The following NACA variants were observed in gnomAD, a reference collection of about 807,000 sequenced individuals.
NACA encodes nascent polypeptide associated complex subunit alpha.
NACA carries 42 observed loss-of-function variants against 86.4 expected under a neutral mutation model. The ratio of observed to expected loss-of-function variants is 0.49; its 90% CI spans 0.38 to 0.63. NACA has a LOEUF of 0.63. NACA is among the 20% of genes least tolerant of loss of function. NACA has a pLI of 0.00. For missense variants in NACA, 2,157 were observed against 2,483.6 expected (o/e 0.87, Z 2.80); for synonymous variants, 898 against 973.7 (o/e 0.92, Z 1.45).
At chr12:56,724,345 G>T in intron 2 of NACA, 107 bp downstream of exon 2, 1 of 1,101,932 alleles carries the variant, frequency 9.1e-7, no homozygotes, top group Non-Finnish European at 1.3e-6. Context: ...CCTTGGTAAA[G>T]CTGCAACCCC....
chr12:56,717,164 G>C lies in NACA; in HGVS notation c.4366C>G (p.Pro1456Ala), dbSNP rs1953396461. The change falls in exon 3 of 9, where the codon CCA becomes GCA. Residue 1456 changes from proline (P) to alanine (A), a missense_variant. Physicochemically the swap from Pro to Ala is conservative, Grantham distance 27 (BLOSUM62 -1). Coordinates refer to ENST00000454682, the MANE Select transcript of NACA (RefSeq NM_001365896.1). The stretch of plus-strand genomic sequence containing the variant: ...TCCCCTTTGGAGGATGGGGTAGCTG[G>C]GCCTCCTTTGGGGGCTGAAGTTGCT... ...APATSAPKGG[P>A]ATPSSKGDPT... 1.5e-6 allele frequency: 2 copies of C among 1,298,464 alleles called. No homozygotes were observed. The highest frequency in any genetic ancestry group is 1.0e-6 in the Non-Finnish European group (1 of 1,002,586). The allele number at this position is 1,298,464 out of a possible 1,614,324, so 80.4% of individuals were successfully genotyped here.
chr12:56,712,590 C>CA (rs766721815), intron 8 of NACA, 38 bp from the exon 9 acceptor site: 3 of 1,611,798 alleles, frequency 1.9e-6, no homozygotes, highest in Non-Finnish European at 2.5e-6. Context: ...TTCTTATAGG[C>CA]AAATCAGGAG....
chr12:56,715,781 G>C (rs901184016), intron 3 of NACA, 90 bp downstream of exon 3: 3 of 1,128,974 alleles, frequency 2.7e-6, no homozygotes, highest in Non-Finnish European at 3.6e-6. Flanking sequence ...TGGAGAAAGC[G>C]GCGCATCACA....
At chr12:56,713,351 C>G (rs1953267100) in intron 6 of NACA, 161 bp from the exon 7 acceptor site, 1 of 1,212,186 alleles carries the variant, frequency 8.2e-7, no homozygotes. Flanking sequence ...AGGTTTAGAG[C>G]AGTGGTTCTC....
intron 2 of NACA, among the ~76,000 whole-genome samples, chr12:56,721,847 T>C (rs1416695128): frequency 6.6e-6 from 1 of 152,226 alleles, no homozygotes; most frequent in African/African-American, 2.4e-5. Context: ...TGAAATGGAC[T>C]GTATTCCCAA....
Position 56,720,137 on chromosome 12 carries a change from G to A in NACA, c.1393C>T (p.Pro465Ser), listed in dbSNP as rs768516992. ...TTFEVATCVS[P>S]PMSSGPISNI... ...CTTATGGGACCTGATGACATTGGAG[G>A]AGAAACACAAGTAGCTACCTCAAAG... Residue 465 changes from proline (P) to serine (S), a missense_variant, in exon 3 of 9, where the codon CCT becomes TCT. Transcript: ENST00000454682. 5.6e-6 allele frequency: 9 copies of A among 1,613,838 alleles called. No homozygotes were observed. The highest frequency in any genetic ancestry group is 7.6e-6 in the Non-Finnish European group (9 of 1,179,902).
Position 56,720,499 on chromosome 12 carries a change from G to T in NACA, c.1031C>A (p.Ser344Tyr), listed in dbSNP as rs1211114130. ...AGAAGGATAAGAGGCCCCTGTGGAA[G>T]AATGATCTACAGAAATGGTCTTCAC... ...PTVKTISVDH[S>Y]STGASYPSQR... Residue 344 changes from serine to tyrosine, a missense_variant, in exon 3 of 9, where the codon TCT becomes TAT. By Grantham distance (144) the Ser-to-Tyr change is moderately radical. Around this residue, in one of 8 missense-constraint regions of NACA, gnomAD observed 947 missense variants for 917.9 expected, o/e 1.03. Transcript: ENST00000454682. The T allele has an allele frequency of 6.2e-7, 1 of 1,613,820 alleles. No homozygotes were observed. Among genetic ancestry groups the T allele is most frequent in the Non-Finnish European group, 8.5e-7 (1 of 1,179,778 alleles).
Position 56,720,194 on chromosome 12 carries a change from G to T in NACA, c.1336C>A (p.Pro446Thr). The change falls in exon 3 of 9, where the codon CCC becomes ACC. Residue 446 changes from proline to threonine, a missense_variant. Physicochemically the swap from Pro to Thr is conservative, Grantham distance 38. Transcript: ENST00000454682. Reference sequence around the variant, plus strand: ...GTAGGTGCTGCAGCAATTGTACAGGGGTTAGTCACCACAAGTGGGGTGGTT... The same window carrying T: ...GTAGGTGCTGCAGCAATTGTACAGGTGTTAGTCACCACAAGTGGGGTGGTT... The part of the protein sequence containing the change: ...VGTTPLVVTN[P>T]CTIAAAPTTT... The T allele has an allele frequency of 1.2e-6, 2 of 1,613,934 alleles. No homozygotes were observed. Among genetic ancestry groups the T allele is most frequent in the Non-Finnish European group, 8.5e-7 (1 of 1,179,894 alleles).
In NACA at chr12:56,720,624, G is replaced by A. The variant is rs753564247; in HGVS notation, c.906C>T (p.Pro302=). ...GTGCAAGATGAGAGCCCAGAGAAAT[G>A]GGAAAATCTGGGGGGGTGTTGGGAC... The part of the protein sequence containing the change: ...TAGPNTPPDF[P]ISLGSHLAPL... Residue 302 remains proline, a synonymous_variant, in exon 3 of 9, where the codon CCC becomes CCT. Coordinates refer to ENST00000454682, the MANE Select transcript of NACA (RefSeq NM_001365896.1). The A allele has an allele frequency of 6.2e-7, 1 of 1,613,956 alleles. No homozygotes were observed.
At position 56,721,101 on chromosome 12, in the gene NACA, A is replaced by T. The variant is rs755470643; in HGVS notation, c.429T>A (p.Ala143=). ...SSAPLALVAL[A]PHSVQKSSAF... is the part of the protein sequence containing the mutation. ...CAGAACTCTTCTGAACTGAGTGGGG[A>T]GCCAGGGCAACCAGAGCTAAGGGAG... Residue 143 remains alanine, a synonymous_variant, in exon 3 of 9, where the codon GCT becomes GCA. Coordinates refer to ENST00000454682, the MANE Select transcript of NACA (RefSeq NM_001365896.1). 70 of 1,613,868 alleles carry T rather than the reference A, an allele frequency of 4.3e-5. No individual in the cohort carries two copies. The highest frequency in any genetic ancestry group is 5.8e-5 in the Non-Finnish European group (69 of 1,179,854).
In NACA at chr12:56,713,728, C is replaced by T. The variant is rs768556967; in HGVS notation, c.5824-45G>A. ...ATCAGGTTTTCAACCTCTTTAGAAG[C>T]AGCCTAAAGAAGCAAGGAACATAAT... On this transcript the variant is annotated intron_variant, in intron 5 of 8. Coordinates refer to ENST00000454682, the MANE Select transcript of NACA (RefSeq NM_001365896.1). 1.6e-5 allele frequency: 25 copies of T among 1,580,492 alleles called. No individual in the cohort carries two copies. The African/African-American group carries it at 2.3e-4, about 15-fold the overall frequency.
At chr12:56,714,717 A>ATAG in intron 3 of NACA, 30 bp from the exon 4 acceptor site, 1 of 1,598,150 alleles carries the variant, frequency 6.3e-7, no homozygotes, top group Non-Finnish European at 8.6e-7. Context: ...TTACTGCTTT[A>ATAG]TAGTAGAAAT....
chr12:56,714,214 CA>C, intron 5 of NACA, 147 bp downstream of exon 5: 1 of 703,630 alleles, frequency 1.4e-6, no homozygotes, highest in East Asian at 2.7e-5. Context: ...GCTTGGGTGA[CA>C]GGTGCACCAA....
rs1207358232 is a variant in NACA, at chr12:56,719,404, G to C, written c.2126C>G (p.Pro709Arg). The C allele has an allele frequency of 1.2e-6, 2 of 1,611,856 alleles. No homozygotes were observed. The highest frequency in any genetic ancestry group is 1.3e-5 in the African/African-American group (1 of 74,892). ...PLVPTASENC[P>R]VAPSPQNTCA... ...GGTATTCTGGGGGGATGGAGCCACAGGGCAATTTTCTGAAGCTGTAGGAAC... is the reference window on the plus strand; with the variant it reads ...GGTATTCTGGGGGGATGGAGCCACACGGCAATTTTCTGAAGCTGTAGGAAC... Residue 709 changes from proline to arginine, a missense_variant, in exon 3 of 9, where the codon CCT becomes CGT. Physicochemically the swap from Pro to Arg is moderately radical, Grantham distance 103. Transcript: ENST00000454682.
rs746930752 is a variant in NACA at position 56,716,082 on chromosome 12, A to C, written c.5448T>G (p.Phe1816Leu). Residue 1816 changes from phenylalanine (F) to leucine (L), a missense_variant, in exon 3 of 9, where the codon TTT becomes TTG. Physicochemically the swap from Phe to Leu is conservative, Grantham distance 22. Coordinates refer to ENST00000454682, the MANE Select transcript of NACA (RefSeq NM_001365896.1). ...ACACCAGCCCAGGAGAGGACGGCAGAAATTGCTGTTTAGGAGGCAGAGTGG... is the reference window on the plus strand; with the variant it reads ...ACACCAGCCCAGGAGAGGACGGCAGCAATTGCTGTTTAGGAGGCAGAGTGG... ...PVPTLPPKQQ[F>L]LPSSPGLVLE... 47 of 1,613,000 alleles carry C rather than the reference A, an allele frequency of 2.9e-5. No individual in the cohort carries two copies. In the South Asian group the frequency reaches 5.1e-4, roughly 17 times the overall value.
In NACA at chr12:56,719,364, A is replaced by C; in HGVS notation, c.2166T>G (p.Ala722=). ...PSPQNTCAPL[A]TLVLAPEIPK... ...GGATTTCAGGGGCCAGCACTAAGGT[A>C]GCCAGAGGAGCACAGGTATTCTGGG... Residue 722 remains alanine, a synonymous_variant, in exon 3 of 9, where the codon GCT becomes GCG. Transcript: ENST00000454682. 1 of 1,610,098 alleles carries C rather than the reference A, an allele frequency of 6.2e-7. No individual in the cohort carries two copies. Among genetic ancestry groups the C allele is most frequent in the Non-Finnish European group, 8.5e-7 (1 of 1,178,108 alleles).
chr12:56,719,030 A>C lies in NACA; in HGVS notation c.2500T>G (p.Ser834Ala). Residue 834 changes from serine to alanine, a missense_variant, in exon 3 of 9, where the codon TCA (serine) becomes GCA (alanine). Ser to Ala is a moderately conservative substitution (Grantham distance 99). Around this residue, in one of 8 missense-constraint regions of NACA, gnomAD observed 174 missense variants for 217.0 expected, o/e 0.80. Transcript: ENST00000454682. ...LSSPVSPVEA[S>A]FLPENSLSFQ... is the part of the protein sequence containing the mutation. ...GAAAGACTATTCTCTGGAAGAAATG[A>C]AGCTTCAACTGGAGAAACAGGGGAT... The C allele has an allele frequency of 6.9e-7, 1 of 1,448,146 alleles. No individual in the cohort carries two copies. The highest frequency in any genetic ancestry group is 9.3e-7 in the Non-Finnish European group (1 of 1,071,722). 89.7% of individuals were successfully genotyped at this position (1,448,146 alleles called of 1,614,324 possible).
Position 56,717,257 on chromosome 12 carries a change from C to A in NACA, c.4273G>T (p.Ala1425Ser), listed in dbSNP as rs557107249. The A allele has an allele frequency of 2.3e-6, 3 of 1,322,022 alleles. No individual in the cohort carries two copies. The highest frequency in any genetic ancestry group is 3.1e-5 in the African/African-American group (2 of 64,854). 81.9% of individuals were successfully genotyped at this position (1,322,022 alleles called of 1,614,324 possible). A position where few individuals can be genotyped will look rare whatever the true frequency, so the allele number is the denominator to read the frequency against. The part of the protein sequence containing the change: ...APATPVTREG[A>S]ATPSKGDLTP... The stretch of plus-strand genomic sequence containing the variant: ...AGATCTCCTTTGGATGGGGTGGCTG[C>A]GCCTTCTCTGGTGACTGGAGTTGCT... Residue 1425 changes from alanine to serine, a missense_variant, in exon 3 of 9, where the codon GCA (alanine) becomes TCA (serine). Ala to Ser is a moderately conservative substitution (Grantham distance 99). Coordinates refer to ENST00000454682, the MANE Select transcript of NACA (RefSeq NM_001365896.1).
In NACA at chr12:56,718,414, G is replaced by A. The variant is rs756626624; in HGVS notation, c.3116C>T (p.Thr1039Ile). The change falls in exon 3 of 9, where the codon ACT becomes ATT. Residue 1039 changes from threonine (T) to isoleucine (I), a missense_variant. Around this residue, in one of 8 missense-constraint regions of NACA, gnomAD observed 124 missense variants for 186.5 expected, o/e 0.66. Coordinates refer to ENST00000454682, the MANE Select transcript of NACA (RefSeq NM_001365896.1). ...PKGASTPPAA[T>I]PPSPKGSPAA... Reference sequence around the variant, plus strand: ...TGGACTTCCTTTGGGGGAGGGAGGAGTTGCAGCTGGGGGTGTGGATGCCCC... The same window carrying A: ...TGGACTTCCTTTGGGGGAGGGAGGAATTGCAGCTGGGGGTGTGGATGCCCC... The A allele has an allele frequency of 8.2e-7, 1 of 1,225,560 alleles. No individual in the cohort carries two copies. Among genetic ancestry groups the A allele is most frequent in the South Asian group, 2.1e-5 (1 of 48,228 alleles). The allele number at this position is 1,225,560 out of a possible 1,614,324, so 75.9% of individuals were successfully genotyped here. A position where few individuals can be genotyped will look rare whatever the true frequency, so the allele number is the denominator to read the frequency against.
Sources: gnomAD v4.1 joint callset for allele counts (sites outside exome capture counted in the v4.1 genomes callset) on GRCh38, gnomAD v4.1.1 for gene constraint, gnomAD v4.1.1 regional missense constraint, MANE v1.5 for transcripts, NCBI Gene and HGNC (gene_info 2026-07-23, HGNC 2026-07-21) for gene names.